Variants in NINL observed in about 807,000 individuals in gnomAD.
The protein encoded by NINL is ninein-like protein.
In NINL, 153 loss-of-function variants were observed where a neutral mutation model predicts 160.3. That is an observed-to-expected ratio of 0.95 (90% confidence interval 0.84 to 1.09). The LOEUF is 1.09. NINL is among the 50% of genes least tolerant of loss of function. NINL has a pLI of 0.00. For missense variants in NINL, 1,829 were observed against 1,764.0 expected (o/e 1.04, Z -0.66); for synonymous variants, 800 against 734.8 (o/e 1.09, Z -1.43).
At chr20:25,494,563 C>T (rs563168266) in intron 10 of NINL, among the ~76,000 whole-genome samples, 36 of 152,290 alleles carry the variant, frequency 2.4e-4, no homozygotes, top group African/African-American at 8.2e-4. Flanking sequence ...TGTGTACAGC[C>T]GTCCCCAGCC....
chr20:25,518,988 T>C (rs985072764), intron 2 of NINL, among the ~76,000 whole-genome samples: 5 of 151,356 alleles, frequency 3.3e-5, no homozygotes, highest in African/African-American at 1.2e-4. Context: ...ATCCCACTAC[T>C]TGGGAGGCTG....
At chr20:25,494,350 C>T (rs1156684148) in intron 10 of NINL, among the ~76,000 whole-genome samples, 2 of 152,016 alleles carry the variant, frequency 1.3e-5, no homozygotes, top group African/African-American at 2.4e-5. Context: ...CCACATGAGT[C>T]CCACATACAC....
At chr20:25,463,076 T>C (rs1397164853) in intron 19 of NINL, among the ~76,000 whole-genome samples, 1 of 152,158 alleles carries the variant, frequency 6.6e-6, no homozygotes, top group Non-Finnish European at 1.5e-5. Flanking sequence ...GTATTTTTGG[T>C]AATCACAGCT....
At chr20:25,458,322 G>A in intron 22 of NINL, 61 bp downstream of exon 22, 2 of 1,594,274 alleles carry the variant, frequency 1.3e-6, no homozygotes, top group Non-Finnish European at 8.5e-7. Context: ...CTGAGGACCG[G>A]TGGGCCCGCC....
chr20:25,455,610 C>G lies in NINL; in HGVS notation c.3957+63G>C, dbSNP rs948336583. 153 of 1,194,942 alleles carry G rather than the reference C, an allele frequency of 1.3e-4. 1 individual carries two copies. Among genetic ancestry groups the G allele is most frequent in the Non-Finnish European group, 1.7e-4 (138 of 805,398 alleles). The allele number at this position is 1,194,942 out of a possible 1,614,324, so 74.0% of individuals were successfully genotyped here. ...TTCCTGTATTAGCTACCTGCACACC[C>G]ATAAAAGTGGAGAGCGTTCAGAAGA... On this transcript the variant is annotated intron_variant, in intron 23 of 23. Coordinates refer to ENST00000278886, the MANE Select transcript of NINL (RefSeq NM_025176.6).
intron 1 of NINL, among the ~76,000 whole-genome samples, chr20:25,553,103 GGT>G (rs1491134633): frequency 2.6e-4 from 15 of 58,040 alleles, no homozygotes; most frequent in African/African-American, 9.7e-4. Context: ...ACCCTTGTTG[GGT>G]TTTTTTTTTT....
intron 21 of NINL, among the ~76,000 whole-genome samples, chr20:25,459,200 G>C (rs373539512): frequency 4.6e-5 from 7 of 152,356 alleles, no homozygotes; most frequent in African/African-American, 1.7e-4. Flanking sequence ...CCAAGACGGA[G>C]TGGGAATCAC....
At position 25,505,071 on chromosome 20, in the gene NINL, C is replaced by T; in HGVS notation, c.525G>A (p.Leu175=). Residue 175 remains leucine (L), a synonymous_variant, in exon 6 of 24, where the codon CTG becomes CTA. Transcript: ENST00000278886. ...QNELFEAQGQ[L]QTWDSEDFGS... ...CAAAGTCCTCAGAATCCCAGGTCTG[C>T]AGCTGTCCTGAAGCAAGGGAGGAGT... 1 of 1,589,392 alleles carries T rather than the reference C, an allele frequency of 6.3e-7. No homozygotes were observed. Among genetic ancestry groups the T allele is most frequent in the Non-Finnish European group, 8.6e-7 (1 of 1,166,992 alleles).
At chr20:25,462,240 T>C (rs1163734192) in intron 20 of NINL, 143 bp downstream of exon 20, 1 of 698,350 alleles carries the variant, frequency 1.4e-6, no homozygotes, top group Non-Finnish European at 2.3e-6. Context: ...CACAGCACAG[T>C]CCACCTACTT....
intron 1 of NINL, among the ~76,000 whole-genome samples, chr20:25,575,490 C>T (rs1348590979): frequency 3.3e-4 from 49 of 147,532 alleles, no homozygotes; most frequent in Admixed American, 3.2e-3. Context: ...TGGTGGCTTG[C>T]GCCTGTAATC....
At chr20:25,455,298 G>C (rs6138572) in intron 23 of NINL, among the ~76,000 whole-genome samples, 58,375 of 152,004 alleles carry the variant, frequency 0.38, 12,757 homozygotes, top group East Asian at 0.92. Context: ...CATGGCCCGA[G>C]GTCATGTATG....
intron 1 of NINL, among the ~76,000 whole-genome samples, chr20:25,539,096 G>C (rs2064612818): frequency 6.6e-6 from 1 of 152,334 alleles, no homozygotes; most frequent in South Asian, 2.1e-4. Flanking sequence ...TCCCTGGCAA[G>C]AGTGCTGATG....
Position 25,527,634 on chromosome 20 carries a change from G to GAT in NINL, c.-11-1038_-11-1037dup, listed in dbSNP as rs752242596. Among the ~76,000 whole-genome samples the GAT allele has an allele frequency of 1.6e-3, 237 of 151,346 alleles. 1 individual carries two copies. The highest frequency in any genetic ancestry group is 5.2e-3 in the African/African-American group (214 of 41,280). ...CAGAGGATGTTAATAAATCACAAAAGATATATATATATAATTAATAACCAT... is the reference window on the plus strand; with the variant it reads ...CAGAGGATGTTAATAAATCACAAAAGATATATATATATATAATTAATAACCAT... On this transcript the variant is annotated intron_variant, in intron 1 of 23. Coordinates refer to ENST00000278886, the MANE Select transcript of NINL (RefSeq NM_025176.6).
intron 7 of NINL, among the ~76,000 whole-genome samples, chr20:25,502,171 A>G (rs1025202092): frequency 8.6e-5 from 13 of 151,924 alleles, no homozygotes; most frequent in Admixed American, 6.6e-5. Context: ...CACTAGAGAC[A>G]GGGTTTTACC....
chr20:25,485,957 C>A (rs946142827), intron 13 of NINL, among the ~76,000 whole-genome samples: 2 of 152,184 alleles, frequency 1.3e-5, no homozygotes, highest in African/African-American at 2.4e-5. Context: ...GTTGTTCCTG[C>A]CCATTTTTCA....
At chr20:25,453,779 A>ACG in intron 23 of NINL, 137 bp from the exon 24 acceptor site, 3 of 720,610 alleles carry the variant, frequency 4.2e-6, no homozygotes, top group Non-Finnish European at 6.5e-6. Flanking sequence ...GGCCGGGGGC[A>ACG]GTGGTTCACG....
chr20:25,512,762 A>G, intron 4 of NINL, 72 bp downstream of exon 4: 1 of 1,505,088 alleles, frequency 6.6e-7, no homozygotes, highest in Non-Finnish European at 8.9e-7. Flanking sequence ...TATGTGCTAC[A>G]AAAAGGGATG....
chr20:25,515,042 C>A (rs756568273), intron 3 of NINL, among the ~76,000 whole-genome samples: 2 of 152,190 alleles, frequency 1.3e-5, no homozygotes, highest in East Asian at 3.9e-4. Flanking sequence ...TGGGCACTGC[C>A]TAGTGGAGCT....
At chr20:25,529,061 G>C (rs543529677) in intron 1 of NINL, among the ~76,000 whole-genome samples, 49 of 152,130 alleles carry the variant, frequency 3.2e-4, no homozygotes, top group Non-Finnish European at 6.2e-4. Flanking sequence ...CTCCCCAATG[G>C]AAAATGTGCA....
Sources: gnomAD v4.1 joint callset for allele counts (sites outside exome capture counted in the v4.1 genomes callset) on GRCh38, gnomAD v4.1.1 for gene constraint, MANE v1.5 for transcripts, NCBI Gene and HGNC (gene_info 2026-07-23, HGNC 2026-07-21) for gene names.